The following EPB41 variants were observed in gnomAD, a reference collection of about 807,000 sequenced individuals.
EPB41 encodes the protein erythrocyte membrane protein band 4.1.
EPB41 carries 65 observed loss-of-function variants against 108.0 expected under a neutral mutation model. That is an observed-to-expected ratio of 0.60 (90% CI 0.49 to 0.74). The LOEUF is 0.74. EPB41 is among the 30% of genes least tolerant of loss of function. The pLI, the probability that EPB41 is intolerant of heterozygous loss-of-function variation, is 0.00. For missense variants in EPB41, 875 were observed against 1,037.0 expected (o/e 0.84, Z 2.15); for synonymous variants, 336 against 358.9 (o/e 0.94, Z 0.72).
chr1:28,951,612 G>T (rs556188162), intron 1 of EPB41, among the ~76,000 whole-genome samples: 1 of 152,318 alleles, frequency 6.6e-6, no homozygotes, highest in East Asian at 1.9e-4. Context: ...CCCCCACTTT[G>T]GGAGGTAGAG....
At chr1:28,993,748 C>G (rs1374886632) in intron 3 of EPB41, among the ~76,000 whole-genome samples, 1 of 150,510 alleles carries the variant, frequency 6.6e-6, no homozygotes. Flanking sequence ...CCCCCAACTC[C>G]CATGTTCAAG....
At chr1:28,991,116 G>A (rs1372259184) in intron 2 of EPB41, among the ~76,000 whole-genome samples, 1 of 150,958 alleles carries the variant, frequency 6.6e-6, no homozygotes, top group Non-Finnish European at 1.5e-5. Context: ...TATGTAATAG[G>A]ATTTTATTTA....
intron 17 of EPB41, among the ~76,000 whole-genome samples, chr1:29,099,492 A>G (rs554665341): frequency 2.0e-5 from 3 of 151,962 alleles, no homozygotes; most frequent in Non-Finnish European, 4.4e-5. Flanking sequence ...CACCTCGCTA[A>G]TTTTTTGTAG....
At chr1:28,963,686 C>A (rs1294065275) in intron 1 of EPB41, among the ~76,000 whole-genome samples, 1 of 152,112 alleles carries the variant, frequency 6.6e-6, no homozygotes, top group Non-Finnish European at 1.5e-5. Flanking sequence ...ACAAAAAGAA[C>A]CACTTGATCA....
chr1:29,109,663 G>T, intron 18 of EPB41: 1 of 571,176 alleles, frequency 1.8e-6, no homozygotes, highest in Non-Finnish European at 3.2e-6. Context: ...GTCTCCTAAA[G>T]GTAGGTGTGG....
Position 28,993,537 on chromosome 1 carries a change from G to A in EPB41, c.676G>A (p.Val226Met). 6.2e-7 allele frequency: 1 copy of A among 1,613,642 alleles called. No homozygotes were observed. The highest frequency in any genetic ancestry group is 8.5e-7 in the Non-Finnish European group (1 of 1,179,676). ...GGATGACACAGTTTATGAATGTGTT[G>A]TGGAGGTGAGTATGTTTTCATTTCC... ...LLDDTVYECV[V>M]EKHAKGQDLL... Residue 226 changes from valine to methionine, a missense_variant, in exon 3 of 21, where the codon GTG (valine) becomes ATG (methionine). Val to Met is a conservative substitution (Grantham distance 21). Transcript: ENST00000343067.
At chr1:29,080,206 C>G (rs1655963255) in intron 16 of EPB41, among the ~76,000 whole-genome samples, 1 of 151,394 alleles carries the variant, frequency 6.6e-6, no homozygotes, top group South Asian at 2.1e-4. Context: ...ACAACCTCTC[C>G]CTCCCGGGTT....
chr1:28,974,213 G>A (rs1247501271), intron 1 of EPB41, among the ~76,000 whole-genome samples: 2 of 152,202 alleles, frequency 1.3e-5, no homozygotes, highest in African/African-American at 4.8e-5. Context: ...ACTGTCCACA[G>A]TCTTCTGGAT....
chr1:28,950,501 A>G (rs1169407444), intron 1 of EPB41, among the ~76,000 whole-genome samples: 1 of 152,246 alleles, frequency 6.6e-6, no homozygotes, highest in Non-Finnish European at 1.5e-5. Flanking sequence ...ATGTATGTAT[A>G]TGTTAATAAA....
intron 16 of EPB41, among the ~76,000 whole-genome samples, chr1:29,088,102 A>AGT (rs1313275251): frequency 1.4e-5 from 2 of 140,764 alleles, no homozygotes; most frequent in Non-Finnish European, 3.0e-5. Flanking sequence ...GCTGGAGTGC[A>AGT]GTGGCACGAT....
chr1:29,037,336 C>T (rs1639879782), intron 10 of EPB41, among the ~76,000 whole-genome samples: 1 of 152,144 alleles, frequency 6.6e-6, no homozygotes, highest in African/African-American at 2.4e-5. Flanking sequence ...CTCGCCTCGG[C>T]CTCCCAGAGT....
intron 7 of EPB41, among the ~76,000 whole-genome samples, chr1:29,020,773 T>G (rs1333967667): frequency 2.0e-5 from 3 of 152,154 alleles, no homozygotes; most frequent in African/African-American, 7.2e-5. Context: ...TCGTCTCATC[T>G]CAGCCTTCTG....
At chr1:29,086,397 C>T (rs537626382) in intron 16 of EPB41, among the ~76,000 whole-genome samples, 5 of 151,810 alleles carry the variant, frequency 3.3e-5, no homozygotes, top group South Asian at 2.1e-4. Flanking sequence ...CCTCATCCTC[C>T]GGAGTAGCTA....
At chr1:29,108,975 G>C (rs1668226040) in intron 17 of EPB41, among the ~76,000 whole-genome samples, 1 of 151,504 alleles carries the variant, frequency 6.6e-6, no homozygotes, top group Non-Finnish European at 1.5e-5. Context: ...GAGGCAGGCG[G>C]ATCACCTGAG....
At chr1:28,927,690 C>CT (rs1288131999) in intron 1 of EPB41, among the ~76,000 whole-genome samples, 3 of 152,120 alleles carry the variant, frequency 2.0e-5, no homozygotes, top group Admixed American at 2.0e-4. Context: ...TCCTTCTCCT[C>CT]TTAAATGATT....
chr1:29,075,756 C>T (rs1379861902), intron 16 of EPB41, among the ~76,000 whole-genome samples: 1 of 152,112 alleles, frequency 6.6e-6, no homozygotes, highest in Non-Finnish European at 1.5e-5. Flanking sequence ...GGCCACCATT[C>T]ATTTTATTTA....
At chr1:29,012,820 T>C (rs1414525688) in intron 5 of EPB41, among the ~76,000 whole-genome samples, 1 of 152,248 alleles carries the variant, frequency 6.6e-6, no homozygotes, top group Non-Finnish European at 1.5e-5. Flanking sequence ...TCTTTTGGAC[T>C]GATAACTCTC....
rs1236815242 is a variant in EPB41 at position 29,117,932 on chromosome 1, ACAC to A, written c.*1124_*1126del. ...TTTTAGGAGCCGTTCTCCCCACAAG[ACAC>A]CACATGACAAGGGGTATAAGCCCCA... On this transcript the variant is annotated 3_prime_UTR_variant, in exon 21 of 21. Coordinates refer to ENST00000343067, the MANE Select transcript of EPB41 (RefSeq NM_001376013.1). 1 of 152,436 alleles carries A rather than the reference ACAC, an allele frequency of 6.6e-6. No homozygotes were observed. The highest frequency in any genetic ancestry group is 1.9e-4 in the East Asian group (1 of 5,176). The allele number at this position is 152,436 out of a possible 1,614,324, so 9.4% of individuals were successfully genotyped here. A position where few individuals can be genotyped will look rare whatever the true frequency, so the allele number is the denominator to read the frequency against.
chr1:28,888,103 A>G (rs2089658556), intron 1 of EPB41, among the ~76,000 whole-genome samples: 1 of 152,066 alleles, frequency 6.6e-6, no homozygotes, highest in Non-Finnish European at 1.5e-5. Flanking sequence ...AGGAGTGGGG[A>G]GGAGAGAGGA....
Sources: allele counts gnomAD v4.1 joint callset (sites outside exome capture counted in the v4.1 genomes callset), GRCh38; gene constraint gnomAD v4.1.1; transcripts MANE v1.5; gene names NCBI Gene and HGNC (gene_info 2026-07-23, HGNC 2026-07-21).